Variants in PRKG1 observed in about 807,000 individuals in gnomAD.
The protein encoded by PRKG1 is protein kinase cGMP-dependent 1, also known as cGMP-dependent protein kinase 1.
Under a neutral mutation model 88.1 loss-of-function variants are expected in PRKG1, and 35 were observed. That is an observed-to-expected ratio of 0.40 (90% confidence interval 0.30 to 0.53). The LOEUF (loss-of-function observed/expected upper bound fraction) is 0.53. PRKG1 is among the 20% of genes least tolerant of loss of function. PRKG1 has a pLI of 0.59. For synonymous variants in PRKG1, 303 were observed against 292.5 expected, an observed-to-expected ratio of 1.04 and a Z score of -0.37; for missense variants, 540 against 839.8, an observed-to-expected ratio of 0.64 and a Z score of 4.41.
chr10:51,186,987 T>C (rs1309517405), intron 2 of PRKG1, among the ~76,000 whole-genome samples: 9 of 146,808 alleles, frequency 6.1e-5, no homozygotes, highest in Non-Finnish European at 1.2e-4. Context: ...TATATATGTA[T>C]ATATATATTC....
At chr10:51,692,954 C>T (rs1317517139) in intron 3 of PRKG1, among the ~76,000 whole-genome samples, 1 of 151,740 alleles carries the variant, frequency 6.6e-6, no homozygotes, top group Admixed American at 6.6e-5. Flanking sequence ...AGGGTAGTTA[C>T]CTAGTTTGGG....
At chr10:51,168,614 C>A (rs1258707361) in intron 2 of PRKG1, among the ~76,000 whole-genome samples, 1 of 152,058 alleles carries the variant, frequency 6.6e-6, no homozygotes, top group African/African-American at 2.4e-5. Flanking sequence ...GGCCTTAAGC[C>A]ATATGACTTG....
At chr10:51,384,481 T>C (rs1837196984) in intron 2 of PRKG1, among the ~76,000 whole-genome samples, 1 of 152,138 alleles carries the variant, frequency 6.6e-6, no homozygotes, top group African/African-American at 2.4e-5. Context: ...TTGTGTGAAC[T>C]TCTTGGAACT....
intron 5 of PRKG1, among the ~76,000 whole-genome samples, chr10:51,947,797 T>A (rs1843085529): frequency 6.6e-6 from 1 of 152,010 alleles, no homozygotes; most frequent in African/African-American, 2.4e-5. Context: ...TTCCTTCAGG[T>A]CATAGCAAGA....
intron 10 of PRKG1, among the ~76,000 whole-genome samples, chr10:52,264,331 T>A (rs1841513188): frequency 6.6e-6 from 1 of 152,112 alleles, no homozygotes; most frequent in South Asian, 2.1e-4. Flanking sequence ...TTGGCCCGGT[T>A]AATCTAATAG....
chr10:51,390,121 C>T (rs1837358605), intron 2 of PRKG1, among the ~76,000 whole-genome samples: 1 of 152,210 alleles, frequency 6.6e-6, no homozygotes, highest in Non-Finnish European at 1.5e-5. Flanking sequence ...TCCATACACA[C>T]TTCAGTTGAT....
chr10:51,492,053 C>T (rs1303757305), intron 3 of PRKG1, among the ~76,000 whole-genome samples: 1 of 152,118 alleles, frequency 6.6e-6, no homozygotes, highest in Admixed American at 6.6e-5. Flanking sequence ...ATTTATGCCA[C>T]TCTCTAATCT....
At chr10:51,077,937 T>G (rs1003277707) in intron 1 of PRKG1, among the ~76,000 whole-genome samples, 1 of 152,250 alleles carries the variant, frequency 6.6e-6, no homozygotes, top group African/African-American at 2.4e-5. Flanking sequence ...AGCCTGTTGA[T>G]TGCCTATATA....
At chr10:51,091,576 G>T (rs545395603) in intron 1 of PRKG1, among the ~76,000 whole-genome samples, 3 of 152,262 alleles carry the variant, frequency 2.0e-5, no homozygotes, top group Admixed American at 2.0e-4. Context: ...GGCATTTGTT[G>T]TTATATTGGA....
At chr10:51,904,002 A>G (rs576126641) in intron 4 of PRKG1, among the ~76,000 whole-genome samples, 1 of 152,276 alleles carries the variant, frequency 6.6e-6, no homozygotes, top group East Asian at 1.9e-4. Flanking sequence ...CCTGGCAAAT[A>G]GAAACTACTC....
intron 5 of PRKG1, chr10:51,910,096 A>T (rs768846660): frequency 4.6e-5 from 7 of 152,212 alleles, no homozygotes; most frequent in Non-Finnish European, 4.4e-5. Flanking sequence ...TATGATTGCT[A>T]GGCATCATTA....
At chr10:52,277,184 T>A (rs946290376) in intron 12 of PRKG1, among the ~76,000 whole-genome samples, 1 of 152,102 alleles carries the variant, frequency 6.6e-6, no homozygotes, top group African/African-American at 2.4e-5. Context: ...GGGAGAGCTT[T>A]GATTGGCAGG....
chr10:52,058,796 A>G (rs1306938646), intron 6 of PRKG1, among the ~76,000 whole-genome samples: 1 of 152,006 alleles, frequency 6.6e-6, no homozygotes, highest in Non-Finnish European at 1.5e-5. Flanking sequence ...AAGAAAAATG[A>G]TAAAGTGGGC....
intron 1 of PRKG1, among the ~76,000 whole-genome samples, chr10:51,003,713 T>C (rs891738164): frequency 1.3e-5 from 2 of 152,216 alleles, no homozygotes; most frequent in Admixed American, 1.3e-4. Context: ...TTCCAGCAGA[T>C]ACCCAATGTT....
chr10:51,321,209 AG>A (rs1203030141), intron 2 of PRKG1, among the ~76,000 whole-genome samples: 1 of 152,182 alleles, frequency 6.6e-6, no homozygotes, highest in Non-Finnish European at 1.5e-5. Context: ...TTACATAACT[AG>A]GCTTCAGCTG....
intron 2 of PRKG1, among the ~76,000 whole-genome samples, chr10:51,252,111 A>G (rs1169482025): frequency 2.6e-5 from 4 of 151,700 alleles, no homozygotes; most frequent in African/African-American, 7.3e-5. Context: ...AACTCCAGCT[A>G]TGTCAGATCA....
At chr10:51,550,476 G>T (rs1837100995) in intron 3 of PRKG1, among the ~76,000 whole-genome samples, 1 of 151,884 alleles carries the variant, frequency 6.6e-6, no homozygotes, top group Admixed American at 6.6e-5. Context: ...GATGACCATG[G>T]TGCTTATGGT....
chr10:51,322,827 C>G (rs543322064), intron 2 of PRKG1, among the ~76,000 whole-genome samples: 5 of 152,292 alleles, frequency 3.3e-5, no homozygotes, highest in African/African-American at 1.2e-4. Flanking sequence ...CCCTCAAAAG[C>G]TCATGCACAC....
intron 1 of PRKG1, among the ~76,000 whole-genome samples, chr10:51,129,964 C>G (rs923978105): frequency 6.6e-6 from 1 of 152,088 alleles, no homozygotes; most frequent in Non-Finnish European, 1.5e-5. Context: ...GAGACCTAGT[C>G]TCATTGGGTG....
Sources: allele counts gnomAD v4.1 joint callset (sites outside exome capture counted in the v4.1 genomes callset), GRCh38; gene constraint gnomAD v4.1.1; transcripts MANE v1.5; gene names NCBI Gene and HGNC (gene_info 2026-07-23, HGNC 2026-07-21).